POLA1: variants seen among roughly 807,000 people sequenced by gnomAD.
POLA1 encodes the protein DNA polymerase alpha catalytic subunit.
Under a neutral mutation model 124.0 loss-of-function variants are expected in POLA1, and 15 were observed. The ratio of observed to expected loss-of-function variants is 0.12; its 90% CI spans 0.08 to 0.19. The LOEUF is 0.19. POLA1 is among the 10% of genes least tolerant of loss of function. The probability of loss-of-function intolerance (pLI) is 1.00; values close to 1 mark genes in which losing one functional copy is unlikely to be tolerated. For missense variants in POLA1, 886 were observed against 1,103.4 expected (o/e 0.80, Z 2.79); for synonymous variants, 408 against 389.4 (o/e 1.05, Z -0.56).
At chrX:24,734,907 C>G (rs890062307) in intron 17 of POLA1, among the ~76,000 whole-genome samples, 1 of 112,092 alleles carries the variant, frequency 8.9e-6, no homozygotes, top group Non-Finnish European at 1.9e-5. Flanking sequence ...TGAGCCACTG[C>G]GCCCAGCCAC....
chrX:24,915,461 G>A (rs1466433500), intron 35 of POLA1, among the ~76,000 whole-genome samples: 2 of 111,574 alleles, frequency 1.8e-5, no homozygotes, highest in Non-Finnish European at 3.8e-5. Context: ...TGTGGATGAG[G>A]CCCCAGGCTC....
chrX:24,781,893 A>C (rs776127845), intron 26 of POLA1, among the ~76,000 whole-genome samples: 1 of 111,960 alleles, frequency 8.9e-6, no homozygotes, highest in East Asian at 2.8e-4. Context: ...ATTTATGCCA[A>C]TTTTAGTATA....
At chrX:24,741,547 A>T (rs1931659783) in intron 21 of POLA1, 43 bp downstream of exon 21, 8 of 1,131,555 alleles carry the variant, frequency 7.1e-6, no homozygotes, top group Non-Finnish European at 9.7e-6. Context: ...TTCCTGTTGG[A>T]TTCAGTGTTT....
At chrX:24,751,346 G>A (rs1932310709) in intron 26 of POLA1, among the ~76,000 whole-genome samples, 1 of 111,555 alleles carries the variant, frequency 9.0e-6, no homozygotes, top group African/African-American at 3.3e-5. Flanking sequence ...TTTTAATAGC[G>A]AGTTTAAACA....
intron 26 of POLA1, among the ~76,000 whole-genome samples, chrX:24,790,467 A>G (rs2045469567): frequency 9.0e-6 from 1 of 111,279 alleles, no homozygotes; most frequent in South Asian, 3.8e-4. Flanking sequence ...CTCCTCCACT[A>G]TGGCTAATTT....
intron 32 of POLA1, among the ~76,000 whole-genome samples, chrX:24,836,166 A>G (rs765460030): frequency 8.9e-6 from 1 of 111,979 alleles, no homozygotes; most frequent in South Asian, 3.7e-4. Context: ...CTTTTACTGA[A>G]TATTGTTTGT....
At chrX:24,712,961 T>A (rs180942135) in intron 4 of POLA1, among the ~76,000 whole-genome samples, 14 of 111,642 alleles carry the variant, frequency 1.3e-4, no homozygotes, top group Non-Finnish European at 2.4e-4. Context: ...TTATTTTTTT[T>A]ATTTTTTTAT....
In POLA1 at chrX:24,801,244, C is replaced by G. The variant is rs1030966857; in HGVS notation, c.2965-8654C>G. Among the ~76,000 whole-genome samples the G allele has an allele frequency of 4.5e-5, 5 of 111,939 alleles. No homozygotes were observed. In the Admixed American group the frequency reaches 4.7e-4, roughly 11 times the overall value. The stretch of plus-strand genomic sequence containing the variant: ...TCATTTCTTGCATGGAAAAAGCCAG[C>G]ATTTAAATGTGTACTGTGTGTGGGC... On this transcript the variant is annotated intron_variant, in intron 26 of 36. Coordinates refer to ENST00000379068, the MANE Select transcript of POLA1 (RefSeq NM_001330360.2).
chrX:24,946,393 G>C (rs1046847920), intron 36 of POLA1, among the ~76,000 whole-genome samples: 1 of 111,956 alleles, frequency 8.9e-6, no homozygotes, highest in Non-Finnish European at 1.9e-5. Context: ...ATCTTACCTG[G>C]GGTGTCCAGG....
chrX:24,863,592 T>G (rs2046751115), intron 34 of POLA1, among the ~76,000 whole-genome samples: 1 of 111,903 alleles, frequency 8.9e-6, no homozygotes, highest in Admixed American at 9.5e-5. Flanking sequence ...CACCCCCCTC[T>G]CCCAGCTTTA....
rs144257753 is a variant in POLA1, at chrX:24,780,807, G to A, written c.2965-29091G>A. ...CTTTGTCAGTCTTGGTCAGACTAGG[G>A]TAATGCTGCCCTCACAATGTGTTGA... On this transcript the variant is annotated intron_variant, in intron 26 of 36. Coordinates refer to ENST00000379068, the MANE Select transcript of POLA1 (RefSeq NM_001330360.2). Among the ~76,000 whole-genome samples the A allele has an allele frequency of 5.8e-3, 653 of 112,005 alleles. 2 individuals are homozygous for A. Among genetic ancestry groups the A allele is most frequent in the Non-Finnish European group, 9.9e-3 (527 of 53,142 alleles).
At chrX:24,811,641 G>A (rs1569321375) in intron 28 of POLA1, among the ~76,000 whole-genome samples, 1 of 74,857 alleles carries the variant, frequency 1.3e-5, no homozygotes, top group Non-Finnish European at 3.0e-5. Flanking sequence ...GAAATTCAAA[G>A]GTTTTTTTTT....
At chrX:24,809,169 A>G (rs1041970854) in intron 26 of POLA1, among the ~76,000 whole-genome samples, 4 of 110,952 alleles carry the variant, frequency 3.6e-5, no homozygotes, top group Non-Finnish European at 5.7e-5. Context: ...GCCCCCCCCG[A>G]CACACACACT....
At chrX:24,987,653 T>A (rs1271735760) in intron 36 of POLA1, among the ~76,000 whole-genome samples, 1 of 111,816 alleles carries the variant, frequency 8.9e-6, no homozygotes, top group East Asian at 2.8e-4. Context: ...TCTTGAGGTA[T>A]GGCATCTGTG....
intron 36 of POLA1, among the ~76,000 whole-genome samples, chrX:24,960,588 G>A (rs2048158270): frequency 8.9e-6 from 1 of 111,977 alleles, no homozygotes; most frequent in African/African-American, 3.2e-5. Context: ...CAAACAGGAG[G>A]ATGTTAGATA....
intron 26 of POLA1, among the ~76,000 whole-genome samples, chrX:24,802,268 T>A (rs1280973028): frequency 9.0e-6 from 1 of 111,158 alleles, no homozygotes; most frequent in African/African-American, 3.3e-5. Flanking sequence ...GTACCGTGAC[T>A]TAGCCAAGTT....
At chrX:24,805,799 AAGCCTTTAT>A (rs1204320064) in intron 26 of POLA1, among the ~76,000 whole-genome samples, 1 of 111,115 alleles carries the variant, frequency 9.0e-6, no homozygotes, top group Non-Finnish European at 1.9e-5. Context: ...TGAATTTAGC[AAGCCTTTAT>A]AGCCCTGTTT....
intron 35 of POLA1, among the ~76,000 whole-genome samples, chrX:24,910,375 G>T: frequency 9.1e-6 from 1 of 109,900 alleles, no homozygotes; most frequent in East Asian, 2.8e-4. Flanking sequence ...TTGGCTGTGG[G>T]TTTGTCATAG....
rs766311613 is a variant in POLA1 at position 24,723,235 on chromosome X, G to A, written c.1168G>A (p.Glu390Lys). Reference protein sequence around the residue: ...VSCCVMVKNIERTLYFLPREM... With the variant: ...VSCCVMVKNIKRTLYFLPREM... Reference sequence around the variant, plus strand: ...CTGTTGTGTCATGGTGAAAAATATCGAGCGAACGCTTTACTTCCTTCCCCG... The same window carrying A: ...CTGTTGTGTCATGGTGAAAAATATCAAGCGAACGCTTTACTTCCTTCCCCG... Residue 390 changes from glutamate (E) to lysine (K), a missense_variant, in exon 11 of 37, where the codon GAG becomes AAG. Around this residue, in one of 7 missense-constraint regions of POLA1, gnomAD observed 337 missense variants for 402.8 expected, o/e 0.84. Coordinates refer to ENST00000379068, the MANE Select transcript of POLA1 (RefSeq NM_001330360.2). The A allele has an allele frequency of 1.9e-5, 23 of 1,197,754 alleles. No individual in the cohort carries two copies. The highest frequency in any genetic ancestry group is 1.1e-4 in the South Asian group (6 of 56,510).
Sources: allele counts gnomAD v4.1 joint callset (sites outside exome capture counted in the v4.1 genomes callset), GRCh38; gene constraint gnomAD v4.1.1; regional missense constraint gnomAD v4.1.1; transcripts MANE v1.5; gene names NCBI Gene and HGNC (gene_info 2026-07-23, HGNC 2026-07-21).